FLI1: variants seen among roughly 807,000 people sequenced by gnomAD.
FLI1 encodes Fli-1 proto-oncogene, ETS transcription factor.
FLI1 carries 13 observed loss-of-function variants against 53.1 expected under a neutral mutation model. That is an observed-to-expected ratio of 0.24 (90% confidence interval 0.16 to 0.39). The LOEUF (loss-of-function observed/expected upper bound fraction) is 0.39. Among genes scored for constraint, FLI1 ranks in the 10% least tolerant of loss-of-function variants. The pLI, the probability that FLI1 is intolerant of heterozygous loss-of-function variation, is 1.00. For missense variants in FLI1, 424 were observed against 600.5 expected, an observed-to-expected ratio of 0.71 and a Z score of 3.07; for synonymous variants, 244 against 236.7, an observed-to-expected ratio of 1.03 and a Z score of -0.28.
intron 5 of FLI1, among the ~76,000 whole-genome samples, chr11:128,798,316 A>T (rs1019471737): frequency 6.6e-6 from 1 of 152,202 alleles, no homozygotes; most frequent in East Asian, 1.9e-4. Context: ...ATCAAAATAA[A>T]TAGGTCATTT....
intron 1 of FLI1, among the ~76,000 whole-genome samples, chr11:128,726,369 T>C (rs1939478575): frequency 6.6e-6 from 1 of 151,908 alleles, no homozygotes; most frequent in Non-Finnish European, 1.5e-5. Context: ...GGGCTGGGGG[T>C]GCAACCGGGA....
At chr11:128,722,015 A>T (rs1939275529) in intron 1 of FLI1, among the ~76,000 whole-genome samples, 1 of 152,126 alleles carries the variant, frequency 6.6e-6, no homozygotes, top group Non-Finnish European at 1.5e-5. Context: ...AGCTGGTCTT[A>T]GAGGGAGGCA....
At chr11:128,717,141 G>T (rs1371532394) in intron 1 of FLI1, among the ~76,000 whole-genome samples, 3 of 152,090 alleles carry the variant, frequency 2.0e-5, no homozygotes, top group Non-Finnish European at 2.9e-5. Flanking sequence ...CCTGCCACAT[G>T]AAAGGCCTTG....
At chr11:128,766,544 AT>A (rs2135828484) in intron 2 of FLI1, among the ~76,000 whole-genome samples, 1 of 151,936 alleles carries the variant, frequency 6.6e-6, no homozygotes, top group African/African-American at 2.4e-5. Context: ...GATCTTCAAT[AT>A]TTTTTTCCTT....
intron 1 of FLI1, among the ~76,000 whole-genome samples, chr11:128,707,788 A>AGAG (rs1234465637): frequency 6.6e-6 from 1 of 152,186 alleles, no homozygotes; most frequent in Non-Finnish European, 1.5e-5. Flanking sequence ...TTCTCTGCCC[A>AGAG]GAGCACCCTT....
intron 1 of FLI1, among the ~76,000 whole-genome samples, chr11:128,753,150 G>C (rs1565482610): frequency 6.6e-6 from 1 of 152,202 alleles, no homozygotes; most frequent in Non-Finnish European, 1.5e-5. Context: ...TGGACCCACA[G>C]ACCCAGCCTT....
At chr11:128,707,366 G>C (rs780402619) in intron 1 of FLI1, among the ~76,000 whole-genome samples, 2 of 152,124 alleles carry the variant, frequency 1.3e-5, no homozygotes, top group South Asian at 2.1e-4. Context: ...TCTCAAATAC[G>C]GTCTTTGGTG....
upstream of FLI1, chr11:128,692,541 C>CA: frequency 6.6e-6 from 1 of 151,058 alleles, no homozygotes; most frequent in Non-Finnish European, 1.5e-5. Context: ...TATTCGAACC[C>CA]AAAATTGGAG....
At chr11:128,693,719 C>G (rs1052974716), upstream of FLI1, 1 of 233,314 alleles carries the variant, frequency 4.3e-6, no homozygotes, top group African/African-American at 2.2e-5. Flanking sequence ...AATCAGGGCG[C>G]GGACGCTGGG....
intron 1 of FLI1, among the ~76,000 whole-genome samples, chr11:128,747,219 T>C (rs1180715159): frequency 6.6e-6 from 1 of 152,194 alleles, no homozygotes; most frequent in Non-Finnish European, 1.5e-5. Flanking sequence ...TGCCCTTTCT[T>C]TGTCCCAGAG....
At chr11:128,693,057 G>A (rs1012454348), upstream of FLI1, 1 of 152,668 alleles carries the variant, frequency 6.6e-6, no homozygotes, top group Non-Finnish European at 1.5e-5. Flanking sequence ...CTGTCCTAGA[G>A]GGAACGTCCC....
intron 5 of FLI1, among the ~76,000 whole-genome samples, chr11:128,783,268 G>A (rs1015837660): frequency 6.6e-6 from 1 of 152,222 alleles, no homozygotes; most frequent in Non-Finnish European, 1.5e-5. Flanking sequence ...GAAGGAAACA[G>A]AGAGCCAAAG....
chr11:128,795,170 A>T (rs973028072), intron 5 of FLI1, among the ~76,000 whole-genome samples: 9 of 152,238 alleles, frequency 5.9e-5, no homozygotes, highest in Non-Finnish European at 1.3e-4. Flanking sequence ...GGTAAAATTA[A>T]GTGGGACAAT....
intron 1 of FLI1, among the ~76,000 whole-genome samples, chr11:128,749,057 T>C (rs954379550): frequency 6.6e-6 from 1 of 152,198 alleles, no homozygotes; most frequent in Non-Finnish European, 1.5e-5. Context: ...TCAGAGGACT[T>C]AGACTTTAAT....
chr11:128,728,163 C>A (rs144417649), intron 1 of FLI1, among the ~76,000 whole-genome samples: 1 of 152,226 alleles, frequency 6.6e-6, no homozygotes, highest in African/African-American at 2.4e-5. Flanking sequence ...TGCAGCAGGC[C>A]GGGGGCTAAC....
At chr11:128,712,081 G>A (rs1246323363) in intron 1 of FLI1, among the ~76,000 whole-genome samples, 1 of 152,122 alleles carries the variant, frequency 6.6e-6, no homozygotes, top group Admixed American at 6.5e-5. Context: ...TTGGAGGTGG[G>A]GCCTGGTGGG....
rs1273162067 is a variant in FLI1, at chr11:128,809,180, A to G, written c.805A>G (p.Thr269Ala). Residue 269 changes from threonine to alanine, a missense_variant, in exon 8 of 9, where the codon ACC (threonine) becomes GCC (alanine). Physicochemically the swap from Thr to Ala is moderately conservative, Grantham distance 58 (BLOSUM62 0). This residue lies in a region of FLI1 where 71 missense variants were observed against 174.2 expected (regional missense o/e 0.41). Transcript: ENST00000527786. ...AGATCCGTATCAGATCCTGGGCCCG[A>G]CCAGCAGTCGCCTAGCCAACCCTGG... ...QPDPYQILGP[T>A]SSRLANPGSG... 2 of 1,613,860 alleles carry G rather than the reference A, an allele frequency of 1.2e-6. No individual in the cohort carries two copies. The highest frequency in any genetic ancestry group is 1.7e-6 in the Non-Finnish European group (2 of 1,179,868).
chr11:128,712,705 C>G (rs1028266779), intron 1 of FLI1, among the ~76,000 whole-genome samples: 10 of 152,094 alleles, frequency 6.6e-5, no homozygotes, highest in African/African-American at 2.4e-4. Flanking sequence ...CAGGAAAGAC[C>G]CACCCCCAGA....
chr11:128,764,226 C>T (rs981116817), intron 2 of FLI1, among the ~76,000 whole-genome samples: 4 of 152,128 alleles, frequency 2.6e-5, no homozygotes, highest in East Asian at 1.9e-4. Context: ...ATCCAAACAC[C>T]CAAGATCTTA....
Sources: allele counts gnomAD v4.1 joint callset (sites outside exome capture counted in the v4.1 genomes callset), GRCh38; gene constraint gnomAD v4.1.1; regional missense constraint gnomAD v4.1.1; transcripts MANE v1.5; gene names NCBI Gene and HGNC (gene_info 2026-07-23, HGNC 2026-07-21).